Variants in GABRA4 observed in about 807,000 individuals in gnomAD.
GABRA4 encodes gamma-aminobutyric acid receptor subunit alpha-4.
GABRA4 carries 12 observed loss-of-function variants against 49.7 expected under a neutral mutation model. The observed-to-expected ratio is 0.24, with a 90% CI of 0.15 to 0.39. GABRA4 has a LOEUF of 0.39. GABRA4 is among the 10% of genes least tolerant of loss of function. The pLI is 1.00. For synonymous variants in GABRA4, 288 were observed against 240.2 expected, an observed-to-expected ratio of 1.20 and a Z score of -1.84; for missense variants, 506 against 686.0, an observed-to-expected ratio of 0.74 and a Z score of 2.93.
chr4:46,982,255 C>A (rs1723381389), intron 2 of GABRA4, among the ~76,000 whole-genome samples: 2 of 152,010 alleles, frequency 1.3e-5, no homozygotes. Flanking sequence ...ATTCTTGGTA[C>A]TTCAGAATGT....
intron 8 of GABRA4, among the ~76,000 whole-genome samples, chr4:46,964,242 A>G (rs4353875): frequency 0.52 from 79,086 of 151,646 alleles, 20,938 homozygotes; most frequent in East Asian, 0.7. Flanking sequence ...TAGAGGGTAA[A>G]ATGATGGTTA....
chr4:46,988,998 C>T (rs764597870), intron 2 of GABRA4, among the ~76,000 whole-genome samples: 35 of 152,138 alleles, frequency 2.3e-4, no homozygotes, highest in Non-Finnish European at 4.9e-4. Flanking sequence ...GTAAATAATG[C>T]GAAGTCCACT....
intron 7 of GABRA4, 50 bp from the exon 8 acceptor site, chr4:46,965,279 T>C (rs780317325): frequency 7.4e-7 from 1 of 1,352,938 alleles, no homozygotes; most frequent in Non-Finnish European, 9.6e-7. Flanking sequence ...TCATTTGTAT[T>C]AAAAAGCACC....
chr4:46,965,760 A>T lies in GABRA4; in HGVS notation c.875-531T>A, dbSNP rs537390495. On this transcript the variant is annotated intron_variant, in intron 7 of 8. Coordinates refer to ENST00000264318, the MANE Select transcript of GABRA4 (RefSeq NM_000809.4). ...TGCTATTGAGAACCACTGCCAGAAAAGGCATGAATTATACATAGGTCTTTC... is the reference window on the plus strand; with the variant it reads ...TGCTATTGAGAACCACTGCCAGAAATGGCATGAATTATACATAGGTCTTTC... Among the ~76,000 whole-genome samples, 6 of 151,952 alleles carry T rather than the reference A, an allele frequency of 3.9e-5. No individual in the cohort carries two copies. In the South Asian group the frequency reaches 1.2e-3, roughly 31 times the overall value.
intron 8 of GABRA4, among the ~76,000 whole-genome samples, chr4:46,960,264 A>C (rs1179567335): frequency 1.3e-5 from 2 of 151,732 alleles, no homozygotes; most frequent in African/African-American, 4.8e-5. Flanking sequence ...TACATGTTGA[A>C]TATCATAGCA....
intron 3 of GABRA4, among the ~76,000 whole-genome samples, chr4:46,978,200 A>T (rs755993038): frequency 5.3e-5 from 8 of 152,062 alleles, no homozygotes; most frequent in Non-Finnish European, 1.2e-4. Context: ...GTATGGATGA[A>T]TTCTTCCTGA....
In GABRA4 at chr4:46,974,254, A is replaced by T; in HGVS notation, c.699T>A (p.Ser233Arg). The change falls in exon 6 of 9, where the codon AGT (serine) becomes AGA (arginine). Residue 233 changes from serine (S) to arginine (R), a missense_variant. Physicochemically the swap from Ser to Arg is moderately radical, Grantham distance 110. Transcript: ENST00000264318. ...QYDLIGQTVSSETIKSITGEY... is the reference protein window; with the variant it reads ...QYDLIGQTVSRETIKSITGEY... ...CACCCGTAATTGATTTGATGGTTTC[A>T]CTTGATACGGTTTGCCCAATCAAAT... The T allele has an allele frequency of 6.2e-7, 1 of 1,610,882 alleles. No individual in the cohort carries two copies.
intron 8 of GABRA4, among the ~76,000 whole-genome samples, chr4:46,945,641 T>C (rs1461435193): frequency 1.3e-5 from 2 of 152,212 alleles, no homozygotes; most frequent in Non-Finnish European, 1.5e-5. Context: ...TAAACTGAAA[T>C]ACTGCTCTTA....
Position 46,984,606 on chromosome 4 carries a change from A to G in GABRA4, c.206-5508T>C, listed in dbSNP as rs1277515316. 2.0e-5 allele frequency among the ~76,000 whole-genome samples: 3 copies of G among 152,080 alleles called. No homozygotes were observed. The East Asian group carries it at 5.8e-4, about 29-fold the overall frequency. On this transcript the variant is annotated intron_variant, in intron 2 of 8. Transcript: ENST00000264318. ...AAAAGCATGAACAACAACAAAAATA[A>G]AAATAAAATATGGGCAAACAATAAA...
intron 8 of GABRA4, among the ~76,000 whole-genome samples, chr4:46,936,326 C>G (rs1390250672): frequency 6.6e-6 from 1 of 151,988 alleles, no homozygotes; most frequent in East Asian, 1.9e-4. Flanking sequence ...CTTGGCTCAC[C>G]GCAACCTCTG....
chr4:46,929,707 A>G (rs1356672828), intron 8 of GABRA4, among the ~76,000 whole-genome samples: 1 of 152,114 alleles, frequency 6.6e-6, no homozygotes, highest in South Asian at 2.1e-4. Flanking sequence ...GAGTTTTTAG[A>G]ATATACTATT....
At chr4:46,967,338 C>G (rs1430494374) in intron 7 of GABRA4, among the ~76,000 whole-genome samples, 1 of 151,328 alleles carries the variant, frequency 6.6e-6, no homozygotes, top group African/African-American at 2.4e-5. Flanking sequence ...CTTAAGATTC[C>G]CTATGTTACT....
chr4:46,979,090 T>A lies in GABRA4; in HGVS notation c.214A>T (p.Thr72Ser). 1 of 1,601,400 alleles carries A rather than the reference T, an allele frequency of 6.2e-7. No individual in the cohort carries two copies. Among genetic ancestry groups the A allele is most frequent in the Non-Finnish European group, 8.6e-7 (1 of 1,169,138 alleles). Residue 72 changes from threonine to serine, a missense_variant, in exon 3 of 9, where the codon ACA (threonine) becomes TCA (serine). Physicochemically the swap from Thr to Ser is moderately conservative, Grantham distance 58 (BLOSUM62 1). This residue lies in a region of GABRA4 where 195 missense variants were observed against 326.0 expected (regional missense o/e 0.60). Transcript: ENST00000264318. ...RLRPGFGGPV[T>S]EVKTDIYVTS... ...ACATATATGTCAGTTTTCACTTCTG[T>A]AACAGGACCTAACGGGTATGAAGTA...
rs1320956125 is a variant in GABRA4, at chr4:46,928,322, C to T, written c.1568G>A (p.Arg523His). The change falls in exon 9 of 9, where the codon CGT becomes CAT. Residue 523 changes from arginine (R) to histidine (H), a missense_variant. By Grantham distance (29) the Arg-to-His change is conservative. This residue lies in a region of GABRA4 where 6 missense variants were observed against 21.6 expected (regional missense o/e 0.28). Transcript: ENST00000264318. The stretch of plus-strand genomic sequence containing the variant: ...CCCAAATGTGACTGGAAAGAGAATA[C>T]GGGCATATTTGTCTATTTTACTTGT... ...SGTSKIDKYA[R>H]ILFPVTFGAF... 1.2e-6 allele frequency: 2 copies of T among 1,613,422 alleles called. No homozygotes were observed. The highest frequency in any genetic ancestry group is 1.7e-5 in the Admixed American group (1 of 59,920).
At chr4:46,978,704 A>AG (rs1577789722) in intron 3 of GABRA4, among the ~76,000 whole-genome samples, 1 of 149,868 alleles carries the variant, frequency 6.7e-6, no homozygotes, top group African/African-American at 2.4e-5. Flanking sequence ...AAAAAAAAAA[A>AG]AAAAAAAAAG....
intron 8 of GABRA4, among the ~76,000 whole-genome samples, chr4:46,943,945 C>T (rs1056267981): frequency 6.6e-6 from 1 of 152,060 alleles, no homozygotes; most frequent in African/African-American, 2.4e-5. Flanking sequence ...ACTAATTTCT[C>T]AGTAGAATGG....
chr4:46,968,393 A>G (rs182975741), intron 7 of GABRA4, among the ~76,000 whole-genome samples: 20 of 151,398 alleles, frequency 1.3e-4, no homozygotes, highest in African/African-American at 4.8e-4. Context: ...AACACCCACA[A>G]AGCATCTTTA....
At chr4:46,968,942 T>C (rs542730270) in intron 7 of GABRA4, among the ~76,000 whole-genome samples, 1 of 151,682 alleles carries the variant, frequency 6.6e-6, no homozygotes, top group African/African-American at 2.4e-5. Context: ...GACAGCAGCA[T>C]GGAATGCCAT....
chr4:46,920,297 A>C lies in GABRA4; in HGVS notation c.*7928T>G, dbSNP rs1720936723. 1 of 151,696 alleles carries C rather than the reference A, an allele frequency of 6.6e-6. No individual in the cohort carries two copies. Among genetic ancestry groups the C allele is most frequent in the African/African-American group, 2.4e-5 (1 of 41,418 alleles). The allele number at this position is 151,696 out of a possible 1,614,324, so 9.4% of individuals were successfully genotyped here. On this transcript the variant is annotated 3_prime_UTR_variant, in exon 9 of 9. Coordinates refer to ENST00000264318, the MANE Select transcript of GABRA4 (RefSeq NM_000809.4). ...TTTGCCTTTGGAAATAATATTATGC[A>C]ATTGGTAATATCTTATATTGCCAAC...
Sources: gnomAD v4.1 joint callset for allele counts (sites outside exome capture counted in the v4.1 genomes callset) on GRCh38, gnomAD v4.1.1 for gene constraint, gnomAD v4.1.1 regional missense constraint, MANE v1.5 for transcripts, NCBI Gene and HGNC (gene_info 2026-07-23, HGNC 2026-07-21) for gene names.